The following SLC16A4 variants were observed in gnomAD, a reference collection of about 807,000 sequenced individuals.
The protein encoded by SLC16A4 is solute carrier family 16 member 4, also known as probable monocarboxylate transporter 5.
In SLC16A4, 39 loss-of-function variants were observed where a neutral mutation model predicts 47.9. The observed-to-expected ratio is 0.81, with a 90% CI of 0.63 to 1.06. The LOEUF (loss-of-function observed/expected upper bound fraction) is 1.06, where lower values mean the gene tolerates loss of function less well. Among genes scored for constraint, SLC16A4 ranks in the 50% least tolerant of loss-of-function variants. The pLI is 0.00. For synonymous variants in SLC16A4, 189 were observed against 199.9 expected, an observed-to-expected ratio of 0.95 and a Z score of 0.46; for missense variants, 524 against 573.8, an observed-to-expected ratio of 0.91 and a Z score of 0.89.
At chr1:110,385,759 C>T (rs750660218) in intron 2 of SLC16A4, among the ~76,000 whole-genome samples, 5 of 152,094 alleles carry the variant, frequency 3.3e-5, no homozygotes, top group Non-Finnish European at 7.4e-5. Context: ...ATAAAAGGAA[C>T]AAAACTTATT....
chr1:110,381,252 G>T, intron 4 of SLC16A4, 109 bp from the exon 5 acceptor site: 1 of 952,416 alleles, frequency 1.0e-6, no homozygotes. Flanking sequence ...TTTGGACCCA[G>T]GAACAGTAGA....
At chr1:110,382,732 T>C in intron 3 of SLC16A4, 102 bp downstream of exon 3, 1 of 1,222,754 alleles carries the variant, frequency 8.2e-7, no homozygotes, top group Admixed American at 2.7e-5. Flanking sequence ...AAATGAACCT[T>C]AATTTTAGAA....
chr1:110,380,987 C>T lies in SLC16A4; in HGVS notation c.521G>A (p.Trp174Ter), dbSNP rs1662346316. 2.5e-6 allele frequency: 4 copies of T among 1,613,532 alleles called. No homozygotes were observed. Among genetic ancestry groups the T allele is most frequent in the Non-Finnish European group, 2.5e-6 (3 of 1,179,528 alleles). ...FTKFLIDLYD[W>*]TGALILFGAI... is the part of the protein sequence containing the mutation. Reference sequence around the variant, plus strand: ...ATAAACTTAGAATGACGTACCTGTCCAGTCATACAGATCTATCAGGAATTT... The same window carrying T: ...ATAAACTTAGAATGACGTACCTGTCTAGTCATACAGATCTATCAGGAATTT... The change falls in exon 5 of 9, where the codon TGG becomes TAG. Residue 174 changes from tryptophan to a stop codon, truncating the protein, a stop_gained. Transcript: ENST00000369779. LOFTEE classifies it high-confidence loss of function.
rs1178462328 is a variant in SLC16A4, at chr1:110,377,047, A to G, written c.1145T>C (p.Leu382Pro). The change falls in exon 7 of 9, where the codon CTT becomes CCT. Residue 382 changes from leucine (L) to proline (P), a missense_variant. Physicochemically the swap from Leu to Pro is moderately conservative, Grantham distance 98 (BLOSUM62 -3). Coordinates refer to ENST00000369779, the MANE Select transcript of SLC16A4 (RefSeq NM_004696.3). ...YLILCGITNL[L>P]APLATTFPLL... Reference sequence around the variant, plus strand: ...TGGAAATGTGGTGGCTAAAGGAGCAAGCAGGTTAGTGATGCCGCAGAGGAT... The same window carrying G: ...TGGAAATGTGGTGGCTAAAGGAGCAGGCAGGTTAGTGATGCCGCAGAGGAT... The G allele has an allele frequency of 1.9e-6, 3 of 1,614,194 alleles. No homozygotes were observed. Among genetic ancestry groups the G allele is most frequent in the East Asian group, 2.2e-5 (1 of 44,874 alleles).
chr1:110,369,349 C>T (rs1661571644), intron 8 of SLC16A4, among the ~76,000 whole-genome samples: 1 of 151,998 alleles, frequency 6.6e-6, no homozygotes, highest in Non-Finnish European at 1.5e-5. Flanking sequence ...CCTGTAATCC[C>T]AGCACTTTGG....
intron 2 of SLC16A4, among the ~76,000 whole-genome samples, chr1:110,388,804 G>A (rs1225953867): frequency 1.3e-5 from 2 of 152,154 alleles, no homozygotes; most frequent in African/African-American, 4.8e-5. Flanking sequence ...TCCACCTCCT[G>A]ATTTCAAGCA....
intron 8 of SLC16A4, 60 bp from the exon 9 acceptor site, chr1:110,363,953 C>G (rs1661224509): frequency 6.4e-7 from 1 of 1,555,978 alleles, no homozygotes; most frequent in Non-Finnish European, 8.7e-7. Context: ...AACTCTCAGC[C>G]ATGAATAGCT....
chr1:110,386,945 C>G lies in SLC16A4; in HGVS notation c.87+2292G>C, dbSNP rs148316629. ...CCAATAGAGTCTTGTTATTTCTCTCCTATTTGACCTCTCAGTAGCATCTGC... is the reference window on the plus strand; with the variant it reads ...CCAATAGAGTCTTGTTATTTCTCTCGTATTTGACCTCTCAGTAGCATCTGC... On this transcript the variant is annotated intron_variant, in intron 2 of 8. Transcript: ENST00000369779. Among the ~76,000 whole-genome samples, 302 of 152,282 alleles carry G rather than the reference C, an allele frequency of 2.0e-3. 3 individuals are homozygous for G. Among genetic ancestry groups the G allele is most frequent in the African/African-American group, 6.8e-3 (283 of 41,552 alleles).
rs537892326 is a variant in SLC16A4 at position 110,381,943 on chromosome 1, G to A, written c.221-148C>T. On this transcript the variant is annotated intron_variant, in intron 3 of 8. Transcript: ENST00000369779. Reference sequence around the variant, plus strand: ...ATTCTTCAAAAAAGATTTTCATATCGGGTTTCTTAATATCACTAGTGCCAC... The same window carrying A: ...ATTCTTCAAAAAAGATTTTCATATCAGGTTTCTTAATATCACTAGTGCCAC... 3.4e-5 allele frequency: 26 copies of A among 773,628 alleles called. No individual in the cohort carries two copies. The African/African-American group carries it at 4.2e-4, about 12-fold the overall frequency. The allele number at this position is 773,628 out of a possible 1,614,324, so 47.9% of individuals were successfully genotyped here.
intron 2 of SLC16A4, among the ~76,000 whole-genome samples, chr1:110,384,113 C>T (rs746925188): frequency 6.6e-6 from 1 of 152,116 alleles, no homozygotes; most frequent in Admixed American, 6.5e-5. Context: ...GACTCTAGAC[C>T]TGGCACTCTT....
chr1:110,379,665 TTAAA>T (rs2101040881), intron 5 of SLC16A4: 1 of 251,498 alleles, frequency 4.0e-6, no homozygotes, highest in Non-Finnish European at 7.6e-6. Flanking sequence ...TGCTAAAAAA[TTAAA>T]TAGAAAATTT....
chr1:110,377,204 A>G (rs1435880326), intron 6 of SLC16A4, 43 bp from the exon 7 acceptor site: 3 of 1,503,600 alleles, frequency 2.0e-6, no homozygotes, highest in Non-Finnish European at 9.2e-7. Context: ...GGTCCCTTTG[A>G]AAAATGTGAA....
intron 3 of SLC16A4, 149 bp downstream of exon 3, chr1:110,382,685 A>G (rs755024987): frequency 1.4e-4 from 108 of 746,086 alleles, no homozygotes; most frequent in Non-Finnish European, 2.1e-4. Flanking sequence ...GAAGCTAAAT[A>G]TTGCAATTCC....
In SLC16A4 at chr1:110,377,090, A is replaced by G; in HGVS notation, c.1102T>C (p.Tyr368His). 6.2e-7 allele frequency: 1 copy of G among 1,614,172 alleles called. No individual in the cohort carries two copies. Among genetic ancestry groups the G allele is most frequent in the Non-Finnish European group, 8.5e-7 (1 of 1,180,040 alleles). ...ADQNWIKKYH[Y>H]HKSYLILCGI... ...CAGAGGATGAGGTAAGACTTGTGGT[A>G]ATGATACTTCTTAATCCAGTTTTGA... The change falls in exon 7 of 9, where the codon TAC (tyrosine) becomes CAC (histidine). Residue 368 changes from tyrosine to histidine, a missense_variant. Tyr to His is a moderately conservative substitution (Grantham distance 83, BLOSUM62 2). Coordinates refer to ENST00000369779, the MANE Select transcript of SLC16A4 (RefSeq NM_004696.3).
intron 3 of SLC16A4, among the ~76,000 whole-genome samples, chr1:110,382,305 A>G (rs1408246802): frequency 1.3e-5 from 2 of 152,104 alleles, no homozygotes; most frequent in Non-Finnish European, 2.9e-5. Context: ...CTAAAAATAC[A>G]AAAATTAGCC....
intron 8 of SLC16A4, chr1:110,372,547 A>G (rs981621235): frequency 6.6e-6 from 1 of 152,292 alleles, no homozygotes; most frequent in Non-Finnish European, 1.5e-5. Context: ...GTCAGAAGTT[A>G]GGAACAAATC....
intron 2 of SLC16A4, among the ~76,000 whole-genome samples, chr1:110,384,556 T>TA (rs56792491): frequency 2.6e-5 from 4 of 152,236 alleles, no homozygotes; most frequent in Non-Finnish European, 5.9e-5. Context: ...TTTCCGTTTT[T>TA]AAGTAACAGT....
chr1:110,383,242 C>T (rs1662525056), intron 2 of SLC16A4, among the ~76,000 whole-genome samples: 1 of 152,112 alleles, frequency 6.6e-6, no homozygotes, highest in Non-Finnish European at 1.5e-5. Context: ...CCAAATAAAC[C>T]ACCCAGTGGG....
intron 7 of SLC16A4, 106 bp from the exon 8 acceptor site, chr1:110,375,657 G>C (rs1051026596): frequency 4.6e-6 from 3 of 652,072 alleles, no homozygotes; most frequent in Non-Finnish European, 8.2e-6. Context: ...GCTATGAACA[G>C]TGACTTCTGG....
Sources: gnomAD v4.1 joint callset for allele counts (sites outside exome capture counted in the v4.1 genomes callset) on GRCh38, gnomAD v4.1.1 for gene constraint, MANE v1.5 for transcripts, NCBI Gene and HGNC (gene_info 2026-07-23, HGNC 2026-07-21) for gene names.